The following NUDC variants were observed in gnomAD, a reference collection of about 807,000 sequenced individuals.
The protein encoded by NUDC is nuclear distribution C, dynein complex regulator.
In NUDC, 14 loss-of-function variants were observed where a neutral mutation model predicts 45.0. The observed-to-expected ratio is 0.31, with a 90% CI of 0.21 to 0.49. The LOEUF is 0.49. Ranked by LOEUF, NUDC falls within the 20% of genes least tolerant of loss-of-function variation. The pLI, the probability that NUDC is intolerant of heterozygous loss-of-function variation, is 0.99. For missense variants in NUDC, 323 were observed against 426.2 expected, an observed-to-expected ratio of 0.76 and a Z score of 2.13; for synonymous variants, 153 against 156.7, an observed-to-expected ratio of 0.98 and a Z score of 0.17.
Position 26,924,181 on chromosome 1 carries a change from C to G in NUDC, c.159+15C>G. 6.2e-7 allele frequency: 1 copy of G among 1,611,296 alleles called. No individual in the cohort carries two copies. The highest frequency in any genetic ancestry group is 1.7e-5 in the Admixed American group (1 of 60,004). ...TGGCAGAGAAGGTAAGTGTTGGAAA[C>G]CACTGTCCTTTGGGCGGCTCTGTCT... On this transcript the variant is annotated intron_variant, in intron 2 of 8. Transcript: ENST00000321265.
intron 2 of NUDC, among the ~76,000 whole-genome samples, chr1:26,910,969 G>GT (rs200723643): frequency 0.04 from 6,033 of 152,310 alleles, 158 homozygotes; most frequent in South Asian, 0.12. Flanking sequence ...CAAGTGTCAT[G>GT]GAAGGGTTTC....
rs1167635684 is a variant in NUDC, at chr1:26,921,828, A to G, written c.-21A>G. 5.8e-6 allele frequency: 9 copies of G among 1,549,238 alleles called. No homozygotes were observed. Among genetic ancestry groups the G allele is most frequent in the Non-Finnish European group, 7.9e-6 (9 of 1,146,222 alleles). ...CGGGACTAGAGTGCAGAGCTCCGGG[A>G]CGTGGATCGGAGCCGGCGCGATGGG... On this transcript the variant is annotated 5_prime_UTR_variant, in exon 1 of 9. Transcript: ENST00000321265.
chr1:26,937,983 ATTC>A (rs945900905), intron 2 of NUDC, among the ~76,000 whole-genome samples: 6 of 152,148 alleles, frequency 3.9e-5, no homozygotes, highest in African/African-American at 1.4e-4. Context: ...ATTTCATAAA[ATTC>A]TTCTGCCTTC....
chr1:26,911,450 G>A, intron 3 of NUDC: 1 of 343,826 alleles, frequency 2.9e-6, no homozygotes, highest in Non-Finnish European at 5.7e-6. Context: ...AGGTGAGACA[G>A]TCCCTTCCAT....
At chr1:26,941,842 G>A (rs1453692955) in intron 4 of NUDC, 24 bp downstream of exon 4, 7 of 1,609,774 alleles carry the variant, frequency 4.3e-6, no homozygotes, top group Non-Finnish European at 5.9e-6. Flanking sequence ...CAGGGACTTG[G>A]GATGAGCCAG....
chr1:26,901,873 C>T (rs1314112155), intron 1 of NUDC, among the ~76,000 whole-genome samples: 9 of 152,112 alleles, frequency 5.9e-5, no homozygotes, highest in Non-Finnish European at 1.2e-4. Flanking sequence ...CGCCTGTAAT[C>T]CCAGCACTTT....
intron 3 of NUDC, among the ~76,000 whole-genome samples, chr1:26,912,532 C>T (rs980564469): frequency 6.6e-6 from 1 of 152,028 alleles, no homozygotes; most frequent in Non-Finnish European, 1.5e-5. Flanking sequence ...TGAGTATTTG[C>T]TACTATTATT....
chr1:26,936,998 G>A (rs970268758), intron 2 of NUDC, among the ~76,000 whole-genome samples: 1 of 152,188 alleles, frequency 6.6e-6, no homozygotes, highest in Non-Finnish European at 1.5e-5. Flanking sequence ...ATTGCCTCGT[G>A]TACTTCTGAC....
rs753707261 is a variant in NUDC, at chr1:26,942,719, A to T, written c.489A>T (p.Leu163=). 6.2e-7 allele frequency: 1 copy of T among 1,614,256 alleles called. No homozygotes were observed. Among genetic ancestry groups the T allele is most frequent in the Admixed American group, 1.7e-5 (1 of 60,026 alleles). ...EKDKGKLKPN[L]GNGADLPNYR... is the part of the protein sequence containing the mutation. ...ACAAAGGAAAACTGAAGCCCAACCTAGGCAACGGGGCAGACCTGCCCAATT... is the reference window on the plus strand; with the variant it reads ...ACAAAGGAAAACTGAAGCCCAACCTTGGCAACGGGGCAGACCTGCCCAATT... Residue 163 remains leucine, a synonymous_variant, in exon 5 of 9, where the codon CTA becomes CTT. Transcript: ENST00000321265.
chr1:26,900,625 G>T (rs1052484830), intron 1 of NUDC, among the ~76,000 whole-genome samples: 1 of 152,194 alleles, frequency 6.6e-6, no homozygotes, highest in Non-Finnish European at 1.5e-5. Flanking sequence ...AGCCGGCGAT[G>T]ATGGAAAAAC....
At chr1:26,908,366 C>A (rs933045329) in intron 2 of NUDC, among the ~76,000 whole-genome samples, 6 of 152,158 alleles carry the variant, frequency 3.9e-5, no homozygotes, top group African/African-American at 1.4e-4. Flanking sequence ...AAGCACGATT[C>A]CCCTTACCAC....
intron 2 of NUDC, among the ~76,000 whole-genome samples, chr1:26,940,131 C>G (rs2082264994): frequency 6.6e-6 from 1 of 152,084 alleles, no homozygotes; most frequent in South Asian, 2.1e-4. Context: ...ACAGGCTCTT[C>G]CTTCAAGAAA....
intron 2 of NUDC, among the ~76,000 whole-genome samples, chr1:26,904,529 C>T (rs2081994311): frequency 6.6e-6 from 1 of 152,128 alleles, no homozygotes; most frequent in South Asian, 2.1e-4. Flanking sequence ...GGCCTCAAGC[C>T]ATCCCCCTGC....
rs2993064 is a variant in NUDC at position 26,941,112 on chromosome 1, T to G, written c.160-345T>G. On this transcript the variant is annotated intron_variant, in intron 2 of 8. Transcript: ENST00000321265. ...TTTTTTTTTTTTTTTTTTTTTTTTGTATTTTTGGTAGAGACAGGGTTTCAC... is the reference window on the plus strand; with the variant it reads ...TTTTTTTTTTTTTTTTTTTTTTTTGGATTTTTGGTAGAGACAGGGTTTCAC... Among the ~76,000 whole-genome samples the G allele has an allele frequency of 2.2e-5, 3 of 138,714 alleles. No individual in the cohort carries two copies. The South Asian group carries it at 6.9e-4, about 32-fold the overall frequency. The allele number at this position is 138,714 out of a possible 152,430, so 91.0% of individuals were successfully genotyped here. A position where few individuals can be genotyped will look rare whatever the true frequency, so the allele number is the denominator to read the frequency against.
At chr1:26,942,639 A>C in intron 4 of NUDC, 21 bp from the exon 5 acceptor site, 1 of 1,613,718 alleles carries the variant, frequency 6.2e-7, no homozygotes. Flanking sequence ...TAAGTAGCTG[A>C]GTGTCCCTGA....
intron 3 of NUDC, chr1:26,913,799 G>A (rs2082044919): frequency 1.3e-6 from 2 of 1,535,258 alleles, no homozygotes; most frequent in Non-Finnish European, 1.8e-6. Context: ...GCACATAGCT[G>A]GACGGGCCGG....
intron 1 of NUDC, among the ~76,000 whole-genome samples, chr1:26,923,822 G>C (rs2082109869): frequency 6.6e-6 from 1 of 152,094 alleles, no homozygotes; most frequent in Non-Finnish European, 1.5e-5. Context: ...TCATGCCCTG[G>C]ATGCAGAGGA....
In NUDC at chr1:26,941,795, A is replaced by T; in HGVS notation, c.406A>T (p.Ser136Cys). The change falls in exon 4 of 9, where the codon AGC becomes TGC. Residue 136 changes from serine (S) to cysteine (C), a missense_variant. By Grantham distance (112) the Ser-to-Cys change is moderately radical. Coordinates refer to ENST00000321265, the MANE Select transcript of NUDC (RefSeq NM_006600.4). ...ENHEAQLKNG[S>C]LDSPGKQDTE... Reference sequence around the variant, plus strand: ...TCATGAGGCCCAGCTCAAGAACGGCAGCCTTGACTCCCCAGGGAAGCAGGT... The same window carrying T: ...TCATGAGGCCCAGCTCAAGAACGGCTGCCTTGACTCCCCAGGGAAGCAGGT... 6.2e-7 allele frequency: 1 copy of T among 1,613,504 alleles called. No homozygotes were observed. The highest frequency in any genetic ancestry group is 8.5e-7 in the Non-Finnish European group (1 of 1,180,030).
At chr1:26,943,325 G>A (rs529820507) in intron 6 of NUDC, among the ~76,000 whole-genome samples, 21 of 152,116 alleles carry the variant, frequency 1.4e-4, no homozygotes, top group Middle Eastern at 3.4e-3. Context: ...CTCTCGCCTC[G>A]TCCTCCTGAG....
Sources: allele counts gnomAD v4.1 joint callset (sites outside exome capture counted in the v4.1 genomes callset), GRCh38; gene constraint gnomAD v4.1.1; transcripts MANE v1.5; gene names NCBI Gene and HGNC (gene_info 2026-07-23, HGNC 2026-07-21).